Variants in CR1 observed in about 807,000 individuals in gnomAD.
CR1 encodes complement C3b/C4b receptor 1 (Knops blood group), also known as complement receptor type 1.
CR1 carries 116 observed loss-of-function variants against 187.3 expected under a neutral mutation model. The observed-to-expected ratio is 0.62, with a 90% CI of 0.53 to 0.72. The LOEUF is 0.72. CR1 is among the 30% of genes least tolerant of loss of function. The pLI, the probability that CR1 is intolerant of heterozygous loss-of-function variation, is 0.00. For missense variants in CR1, 1,731 were observed against 2,110.7 expected, an observed-to-expected ratio of 0.82 and a Z score of 3.52; for synonymous variants, 576 against 747.1, an observed-to-expected ratio of 0.77 and a Z score of 3.73.
intron 40 of CR1, among the ~76,000 whole-genome samples, chr1:207,615,020 G>T (rs1168875362): frequency 6.6e-6 from 1 of 152,028 alleles, no homozygotes; most frequent in Non-Finnish European, 1.5e-5. Flanking sequence ...TATTGCCCCA[G>T]CTGGTCTCAA....
chr1:207,602,799 G>A (rs547510106), intron 35 of CR1, among the ~76,000 whole-genome samples: 1 of 151,974 alleles, frequency 6.6e-6, no homozygotes, highest in Non-Finnish European at 1.5e-5. Context: ...AATAGGAAAT[G>A]GTAGTGAGAT....
In CR1 at chr1:207,611,991, T is replaced by G. The variant is rs199986128; in HGVS notation, c.6525T>G (p.Leu2175=). 835 of 1,614,036 alleles carry G rather than the reference T, an allele frequency of 5.2e-4. No homozygotes were observed. The highest frequency in any genetic ancestry group is 6.8e-4 in the Non-Finnish European group (802 of 1,179,912). Residue 2175 remains leucine (L), a synonymous_variant, in exon 39 of 47, where the codon CTT becomes CTG. Coordinates refer to ENST00000367049, the MANE Select transcript of CR1 (RefSeq NM_000651.6). ...LGQLPHGRVL[L]PLNLQLGAKV... ...AACTCCCTCATGGCCGTGTGCTACT[T>G]CCACTTAATCTCCAGCTTGGGGCAA...
intron 45 of CR1, among the ~76,000 whole-genome samples, chr1:207,630,070 C>G (rs1662594777): frequency 6.6e-6 from 1 of 152,228 alleles, no homozygotes; most frequent in Non-Finnish European, 1.5e-5. Context: ...GCTACTGCTG[C>G]TCCCCTAACC....
chr1:207,593,880 A>G (rs1233709484), intron 35 of CR1, among the ~76,000 whole-genome samples: 1 of 152,268 alleles, frequency 6.6e-6, no homozygotes, highest in Non-Finnish European at 1.5e-5. Context: ...CATTAGAGAA[A>G]TGCAAATCAA....
chr1:207,567,823 G>A lies in CR1; in HGVS notation c.3953-1G>A. 1 of 1,611,050 alleles carries A rather than the reference G, an allele frequency of 6.2e-7. No homozygotes were observed. The highest frequency in any genetic ancestry group is 1.1e-5 in the South Asian group (1 of 91,036). ...ACTTAGAGCTTTTGTATGTTTTCTA[G>A]AAATCTTTTGTCCAAGTCCTCCAGT... is the stretch of plus-strand genomic sequence containing the variant. On this transcript the variant is annotated splice_acceptor_variant, in intron 24 of 46. Coordinates refer to ENST00000367049, the MANE Select transcript of CR1 (RefSeq NM_000651.6). LOFTEE classifies it high-confidence loss of function.
rs576195590 is a variant in CR1 at position 207,597,293 on chromosome 1, C to G, written c.5810+8519C>G. Among the ~76,000 whole-genome samples, 6 of 152,172 alleles carry G rather than the reference C, an allele frequency of 3.9e-5. No individual in the cohort carries two copies. In the South Asian group the frequency reaches 1.2e-3, roughly 32 times the overall value. On this transcript the variant is annotated intron_variant, in intron 35 of 46. Transcript: ENST00000367049. Reference sequence around the variant, plus strand: ...GTAAATGTGAATGATTCCAATCCCCCCTTTTGAAAGACAAAGGCTTCTAAA... The same window carrying G: ...GTAAATGTGAATGATTCCAATCCCCGCTTTTGAAAGACAAAGGCTTCTAAA...
At chr1:207,509,126 T>C (rs1012711046) in intron 3 of CR1, among the ~76,000 whole-genome samples, 8 of 152,224 alleles carry the variant, frequency 5.3e-5, no homozygotes, top group Non-Finnish European at 1.2e-4. Context: ...CCTATCCACC[T>C]GGTTCAAGGC....
intron 28 of CR1, 91 bp from the exon 29 acceptor site, chr1:207,577,714 A>T: frequency 1.3e-6 from 2 of 1,560,476 alleles, no homozygotes; most frequent in South Asian, 2.3e-5. Flanking sequence ...GGTTGCAGTT[A>T]GCCATGATTG....
At chr1:207,623,950 G>A (rs1040882332) in intron 45 of CR1, among the ~76,000 whole-genome samples, 3 of 98,966 alleles carry the variant, frequency 3.0e-5, no homozygotes, top group African/African-American at 8.2e-5. Flanking sequence ...TTTTAAGACC[G>A]AGTCTTGCTC....
intron 46 of CR1, among the ~76,000 whole-genome samples, chr1:207,634,279 A>G (rs1015525979): frequency 1.3e-5 from 2 of 152,236 alleles, no homozygotes; most frequent in Admixed American, 6.5e-5. Flanking sequence ...AATTGTGTAC[A>G]CTGACTACTG....
intron 41 of CR1, among the ~76,000 whole-genome samples, chr1:207,617,525 GTGTGTGTGTGTGTAT>G (rs1662151709): frequency 1.1e-5 from 1 of 91,398 alleles, no homozygotes; most frequent in African/African-American, 3.6e-5. Context: ...GTGTGTGTGT[GTGTGTGTGTGTGTAT>G]GTGTGTATAT....
chr1:207,516,688 T>C (rs1659818648), intron 4 of CR1, among the ~76,000 whole-genome samples: 1 of 152,220 alleles, frequency 6.6e-6, no homozygotes, highest in South Asian at 2.1e-4. Context: ...TTTGTTAATG[T>C]ACATTATAGA....
chr1:207,526,643 T>C, intron 5 of CR1, 110 bp from the exon 6 acceptor site: 1 of 1,450,560 alleles, frequency 6.9e-7, no homozygotes, highest in South Asian at 1.5e-5. Flanking sequence ...GCTGTTATTC[T>C]AACTTTATTA....
chr1:207,605,335 C>T (rs2102378111), intron 35 of CR1, among the ~76,000 whole-genome samples: 1 of 119,910 alleles, frequency 8.3e-6, no homozygotes, highest in South Asian at 2.8e-4. Flanking sequence ...TAAATATTCT[C>T]ACCACACACA....
chr1:207,598,733 T>G (rs911748348), intron 35 of CR1: 1 of 152,236 alleles, frequency 6.6e-6, no homozygotes, highest in African/African-American at 2.4e-5. Context: ...ACAAGAACTT[T>G]TGAACAAGAG....
At chr1:207,519,000 G>GT (rs1214465528) in intron 4 of CR1, among the ~76,000 whole-genome samples, 2 of 152,130 alleles carry the variant, frequency 1.3e-5, no homozygotes, top group African/African-American at 4.8e-5. Flanking sequence ...TTTTAAACAT[G>GT]TTATTAAATG....
At chr1:207,634,152 C>A (rs1662738080) in intron 46 of CR1, among the ~76,000 whole-genome samples, 1 of 152,102 alleles carries the variant, frequency 6.6e-6, no homozygotes, top group Non-Finnish European at 1.5e-5. Flanking sequence ...TGTATACGTG[C>A]AAGTCACAGG....
At chr1:207,597,266 T>C (rs376611427) in intron 35 of CR1, among the ~76,000 whole-genome samples, 11 of 152,198 alleles carry the variant, frequency 7.2e-5, no homozygotes, top group African/African-American at 2.6e-4. Flanking sequence ...TCAGTTATAA[T>C]AGTAAATGTG....
At chr1:207,623,200 G>C in intron 45 of CR1, 132 bp downstream of exon 45, 3 of 643,144 alleles carry the variant, frequency 4.7e-6, no homozygotes, top group Non-Finnish European at 8.0e-6. Flanking sequence ...GAAAGTCCTT[G>C]ACACACAGTA....
Sources: gnomAD v4.1 joint callset for allele counts (sites outside exome capture counted in the v4.1 genomes callset) on GRCh38, gnomAD v4.1.1 for gene constraint, MANE v1.5 for transcripts, NCBI Gene and HGNC (gene_info 2026-07-23, HGNC 2026-07-21) for gene names.